Variants in ZNF83 observed in about 807,000 individuals in gnomAD.
ZNF83 encodes zinc finger protein 816B.
For missense variants in ZNF83, 552 were observed against 629.9 expected, an observed-to-expected ratio of 0.88 and a Z score of 1.32; for synonymous variants, 209 against 213.0, an observed-to-expected ratio of 0.98 and a Z score of 0.17.
chr19:52,641,113 C>T (rs1252581727), upstream of ZNF83, among the ~76,000 whole-genome samples: 2 of 151,238 alleles, frequency 1.3e-5, no homozygotes, highest in Admixed American at 6.6e-5. Flanking sequence ...CTGGTTCTGC[C>T]CTTTCCCATT....
chr19:52,681,303 C>CAAAAAAAAAAAAAAAAAAAAAAAAAAA (rs1189423006), intron 1 of ZNF83, among the ~76,000 whole-genome samples: 11 of 78,288 alleles, frequency 1.4e-4, no homozygotes, highest in African/African-American at 3.2e-4. Context: ...AAAAAAAAAG[C>CAAAAAAAAAAAAAAAAAAAAAAAAAAA]AAACGAACAT....
At chr19:52,624,871 A>G (rs1378949910) in intron 2 of ZNF83, among the ~76,000 whole-genome samples, 1 of 152,070 alleles carries the variant, frequency 6.6e-6, no homozygotes, top group Non-Finnish European at 1.5e-5. Flanking sequence ...CCTGATGCAT[A>G]TACTTTTTGC....
intron 2 of ZNF83, among the ~76,000 whole-genome samples, chr19:52,624,701 T>G (rs2060671179): frequency 6.6e-6 from 1 of 152,152 alleles, no homozygotes; most frequent in Non-Finnish European, 1.5e-5. Context: ...CCTGTAGCCT[T>G]TTTGTCCAAA....
chr19:52,644,100 G>A (rs944191365), intron 3 of ZNF83, among the ~76,000 whole-genome samples: 1 of 151,964 alleles, frequency 6.6e-6, no homozygotes, highest in Non-Finnish European at 1.5e-5. Context: ...TTTAGATTTC[G>A]CTGTGATGTC....
chr19:52,655,216 A>T, intron 3 of ZNF83: 1 of 240,344 alleles, frequency 4.2e-6, no homozygotes, highest in Non-Finnish European at 7.9e-6. Context: ...AAGCAGAATC[A>T]CAGCTGGAAA....
chr19:52,668,176 G>A (rs1009842322), intron 1 of ZNF83, among the ~76,000 whole-genome samples: 8 of 152,106 alleles, frequency 5.3e-5, no homozygotes, highest in African/African-American at 9.7e-5. Context: ...TGGGGATGAC[G>A]TTCTCATCAA....
At chr19:52,614,258 G>C (rs1434427579) in exon 3 of ZNF83, 1 of 1,613,976 alleles carries the variant, frequency 6.2e-7, no homozygotes, top group Admixed American at 1.7e-5. Context: ...AAGCCTTGAT[G>C]AAAGGCCTTG....
At chr19:52,638,079 C>T (rs575016659) in intron 1 of ZNF83, among the ~76,000 whole-genome samples, 4 of 152,162 alleles carry the variant, frequency 2.6e-5, no homozygotes, top group Middle Eastern at 3.4e-3. Flanking sequence ...AGGAAAACTA[C>T]GCGACAGGAA....
chr19:52,657,558 C>G (rs2061522320), intron 2 of ZNF83, among the ~76,000 whole-genome samples: 1 of 152,010 alleles, frequency 6.6e-6, no homozygotes, highest in Non-Finnish European at 1.5e-5. Context: ...TAAAAAAGGC[C>G]AGGCATGGGC....
chr19:52,613,077 G>A (rs936751004), exon 3 of ZNF83: 1 of 1,613,122 alleles, frequency 6.2e-7, no homozygotes, highest in Non-Finnish European at 8.5e-7. Context: ...GATATGAATT[G>A]TCGCGGAAGA....
intron 2 of ZNF83, among the ~76,000 whole-genome samples, chr19:52,656,852 G>T (rs2061511570): frequency 7.3e-6 from 1 of 136,368 alleles, no homozygotes; most frequent in African/African-American, 2.8e-5. Flanking sequence ...TCGACAGAGC[G>T]AGACTCCGTC....
At chr19:52,641,893 A>G (rs1216520357), upstream of ZNF83, among the ~76,000 whole-genome samples, 2 of 152,144 alleles carry the variant, frequency 1.3e-5, no homozygotes, top group African/African-American at 4.8e-5. Context: ...TACATATAAG[A>G]TGTACATTAA....
exon 3 of ZNF83, chr19:52,614,577 A>T: frequency 6.4e-7 from 1 of 1,565,676 alleles, no homozygotes; most frequent in Non-Finnish European, 8.7e-7. Flanking sequence ...CTCTTCTACC[A>T]ATGAGACTTT....
At chr19:52,613,619 G>T (rs781388430) in exon 3 of ZNF83, 4 of 1,613,472 alleles carry the variant, frequency 2.5e-6, no homozygotes, top group Non-Finnish European at 2.5e-6. Context: ...CATTTGTAAG[G>T]TTTCTCTCCA....
intron 1 of ZNF83, among the ~76,000 whole-genome samples, chr19:52,661,695 C>A (rs2061582405): frequency 6.6e-6 from 1 of 152,184 alleles, no homozygotes; most frequent in Admixed American, 6.5e-5. Context: ...TGGCTCTGCT[C>A]TCCCCTTGGG....
intron 2 of ZNF83, among the ~76,000 whole-genome samples, chr19:52,632,202 G>A (rs899689040): frequency 2.0e-5 from 3 of 152,128 alleles, no homozygotes; most frequent in African/African-American, 4.8e-5. Context: ...AGTCAAATCA[G>A]CCAAGCAGTT....
chr19:52,665,159 C>G (rs1600247517), intron 1 of ZNF83, among the ~76,000 whole-genome samples: 1 of 152,126 alleles, frequency 6.6e-6, no homozygotes, highest in South Asian at 2.1e-4. Flanking sequence ...GGAGAGTCCA[C>G]CCTGTGCTCA....
At chr19:52,613,135 G>T (rs149457093) in exon 3 of ZNF83, 2 of 1,603,678 alleles carry the variant, frequency 1.2e-6, no homozygotes, top group South Asian at 2.2e-5. Flanking sequence ...AGTGTGGATC[G>T]CATGATGATT....
At chr19:52,641,260 A>G (rs575477651), upstream of ZNF83, among the ~76,000 whole-genome samples, 1 of 152,326 alleles carries the variant, frequency 6.6e-6, no homozygotes, top group South Asian at 2.1e-4. Context: ...CTAAGCAGAA[A>G]TATGGAAGAC....
Sources: gnomAD v4.1 joint callset for allele counts (sites outside exome capture counted in the v4.1 genomes callset) on GRCh38, gnomAD v4.1.1 for gene constraint, MANE v1.5 for transcripts, NCBI Gene and HGNC (gene_info 2026-07-23, HGNC 2026-07-21) for gene names.